DNM3: variants seen among roughly 807,000 people sequenced by gnomAD.
DNM3 encodes dynamin-3.
In DNM3, 47 loss-of-function variants were observed where a neutral mutation model predicts 101.6. The observed-to-expected ratio is 0.46, with a 90% CI of 0.37 to 0.59. The LOEUF is 0.59. Among genes scored for constraint, DNM3 ranks in the 20% least tolerant of loss-of-function variants. The probability of loss-of-function intolerance (pLI) is 0.00; values close to 1 mark genes in which losing one functional copy is unlikely to be tolerated. For synonymous variants in DNM3, 385 were observed against 387.9 expected (o/e 0.99, Z 0.09); for missense variants, 849 against 1,085.7 (o/e 0.78, Z 3.06).
In DNM3 at chr1:172,181,818, TTTG is replaced by T. The variant is rs1488571936; in HGVS notation, c.1659+50531_1659+50533del. Among the ~76,000 whole-genome samples the T allele has an allele frequency of 9.8e-3, 1,484 of 152,002 alleles. 31 individuals are homozygous for T. The highest frequency in any genetic ancestry group is 0.034 in the African/African-American group (1,404 of 41,438). ...TGAAGACAGGGTTTTTTTTTTTTTT[TTTG>T]AAAATAAACTGGGGTTATTTGAAAG... On this transcript the variant is annotated intron_variant, in intron 14 of 20. Coordinates refer to ENST00000627582, the MANE Select transcript of DNM3 (RefSeq NM_015569.5).
intron 16 of DNM3, among the ~76,000 whole-genome samples, chr1:172,322,219 C>T (rs2065748829): frequency 6.6e-6 from 1 of 152,180 alleles, no homozygotes; most frequent in Admixed American, 6.5e-5. Flanking sequence ...ACATCCTCAA[C>T]TTAAAACTAA....
intron 13 of DNM3, among the ~76,000 whole-genome samples, chr1:172,100,743 A>G (rs1004959974): frequency 5.3e-5 from 8 of 152,172 alleles, no homozygotes; most frequent in African/African-American, 1.9e-4. Context: ...ATCGAGCACT[A>G]TTTAATCCAC....
intron 14 of DNM3, among the ~76,000 whole-genome samples, chr1:172,183,945 A>T (rs1022707907): frequency 6.6e-5 from 10 of 151,346 alleles, no homozygotes; most frequent in Non-Finnish European, 1.3e-4. Flanking sequence ...TCAGCAGTGT[A>T]ATAGAAATTA....
At position 172,408,972 on chromosome 1, in the gene DNM3, A is replaced by T; in HGVS notation, c.*1131A>T. The T allele has an allele frequency of 1.0e-6, 1 of 985,414 alleles. No individual in the cohort carries two copies. Among genetic ancestry groups the T allele is most frequent in the Non-Finnish European group, 1.2e-6 (1 of 829,896 alleles). The allele number at this position is 985,414 out of a possible 1,614,324, so 61.0% of individuals were successfully genotyped here. A position where few individuals can be genotyped will look rare whatever the true frequency, so the allele number is the denominator to read the frequency against. Reference sequence around the variant, plus strand: ...ACACTTTTACAGTTGCAGTATTTCAAAGTCCCTATCCAGGTCACTCCAGAA... The same window carrying T: ...ACACTTTTACAGTTGCAGTATTTCATAGTCCCTATCCAGGTCACTCCAGAA... On this transcript the variant is annotated 3_prime_UTR_variant, in exon 21 of 21. Coordinates refer to ENST00000627582, the MANE Select transcript of DNM3 (RefSeq NM_015569.5).
At chr1:172,104,115 T>G (rs550528232) in intron 13 of DNM3, among the ~76,000 whole-genome samples, 4 of 152,236 alleles carry the variant, frequency 2.6e-5, no homozygotes, top group Admixed American at 2.6e-4. Flanking sequence ...TATTATTTTC[T>G]TATTGATTTT....
At chr1:171,913,935 C>A (rs1043266266) in intron 1 of DNM3, among the ~76,000 whole-genome samples, 7 of 149,036 alleles carry the variant, frequency 4.7e-5, no homozygotes, top group Non-Finnish European at 7.5e-5. Context: ...ACTACAGGCT[C>A]AAGCCACCAT....
At chr1:172,341,778 C>G (rs1279552667) in intron 17 of DNM3, among the ~76,000 whole-genome samples, 2 of 151,958 alleles carry the variant, frequency 1.3e-5, no homozygotes, top group Admixed American at 6.6e-5. Context: ...TATAAAAACC[C>G]TGGAAGATAA....
intron 4 of DNM3, among the ~76,000 whole-genome samples, chr1:172,024,070 T>A (rs989640180): frequency 1.1e-4 from 16 of 152,224 alleles, no homozygotes; most frequent in Non-Finnish European, 2.4e-4. Context: ...ATGATCAAGT[T>A]GTATTCTGTA....
intron 15 of DNM3, among the ~76,000 whole-genome samples, chr1:172,262,908 A>G (rs2062720086): frequency 6.6e-6 from 1 of 152,200 alleles, no homozygotes; most frequent in Non-Finnish European, 1.5e-5. Flanking sequence ...GGACATTAAA[A>G]TCAAAACCTT....
At position 172,401,960 on chromosome 1, in the gene DNM3, G is replaced by A. The variant is rs761140938; in HGVS notation, c.2523-5812G>A. Among the ~76,000 whole-genome samples, 136 of 152,262 alleles carry A rather than the reference G, an allele frequency of 8.9e-4. 2 individuals are homozygous for A. The highest frequency in any genetic ancestry group is 2.2e-4 in the Non-Finnish European group (15 of 68,020). ...GAGCAGACATTCACAAGAAGAAGTA[G>A]GGGTCCTGCATCACAGCTGCCTTCC... On this transcript the variant is annotated intron_variant, in intron 20 of 20. Transcript: ENST00000627582.
chr1:171,964,136 G>T (rs2043406616), intron 2 of DNM3, among the ~76,000 whole-genome samples: 1 of 152,090 alleles, frequency 6.6e-6, no homozygotes, highest in Admixed American at 6.6e-5. Flanking sequence ...GACATATTTT[G>T]AAATGGCCCT....
intron 7 of DNM3, 48 bp from the exon 8 acceptor site, chr1:172,041,961 A>G: frequency 2.0e-6 from 3 of 1,535,898 alleles, no homozygotes; most frequent in Non-Finnish European, 2.6e-6. Context: ...TGAAGAGTGC[A>G]AAGGCTTGTA....
chr1:172,117,439 G>A (rs574588068), intron 13 of DNM3, among the ~76,000 whole-genome samples: 91 of 152,216 alleles, frequency 6.0e-4, no homozygotes, highest in African/African-American at 1.8e-3. Context: ...AGTCTTTCCC[G>A]TCCTATTCTC....
chr1:171,882,705 G>A (rs1035824829), intron 1 of DNM3, among the ~76,000 whole-genome samples: 35 of 151,878 alleles, frequency 2.3e-4, no homozygotes, highest in African/African-American at 7.7e-4. Context: ...GAATAATCTC[G>A]TAACTCCATT....
At chr1:172,052,819 T>G (rs1297417882) in intron 10 of DNM3, among the ~76,000 whole-genome samples, 2 of 152,188 alleles carry the variant, frequency 1.3e-5, no homozygotes, top group Non-Finnish European at 2.9e-5. Context: ...ACAGATCATG[T>G]CTGTAATAGT....
chr1:172,183,814 A>G (rs1174419093), intron 14 of DNM3, among the ~76,000 whole-genome samples: 3 of 103,716 alleles, frequency 2.9e-5, no homozygotes, highest in Non-Finnish European at 5.7e-5. Context: ...ACAGGGTTTC[A>G]CCAGGCTGAT....
At chr1:172,069,042 A>C (rs1162283353) in intron 11 of DNM3, 137 bp downstream of exon 11, 60 of 633,666 alleles carry the variant, frequency 9.5e-5, no homozygotes, top group Non-Finnish European at 2.7e-6. Context: ...CATTATGTTT[A>C]TTTTTACTTA....
chr1:172,377,553 CATATATAT>C lies in DNM3; in HGVS notation c.1894-1444_1894-1437del, dbSNP rs34612864. On this transcript the variant is annotated intron_variant, in intron 17 of 20. Coordinates refer to ENST00000627582, the MANE Select transcript of DNM3 (RefSeq NM_015569.5). ...ATCATCTGCTCTCATTGATATATAT[CATATATAT>C]ATATATATATATATATATATTTCAT... 7.0e-4 allele frequency among the ~76,000 whole-genome samples: 86 copies of C among 123,438 alleles called. 2 individuals carry two copies. Among genetic ancestry groups the C allele is most frequent in the East Asian group, 1.4e-3 (6 of 4,366 alleles). The allele number at this position is 123,438 out of a possible 152,430, so 81.0% of individuals were successfully genotyped here.
chr1:172,372,937 G>C (rs1279002691), intron 17 of DNM3, among the ~76,000 whole-genome samples: 1 of 151,796 alleles, frequency 6.6e-6, no homozygotes, highest in Non-Finnish European at 1.5e-5. Context: ...ACCCACCTTG[G>C]CTTCCCAAAG....
Sources: allele counts gnomAD v4.1 joint callset (sites outside exome capture counted in the v4.1 genomes callset), GRCh38; gene constraint gnomAD v4.1.1; transcripts MANE v1.5; gene names NCBI Gene and HGNC (gene_info 2026-07-23, HGNC 2026-07-21).